CDC5L: variants seen among roughly 807,000 people sequenced by gnomAD.
CDC5L encodes cell division cycle 5-like protein.
In CDC5L, 18 loss-of-function variants were observed where a neutral mutation model predicts 104.1. The observed-to-expected ratio is 0.17, with a 90% CI of 0.12 to 0.26. CDC5L has a LOEUF of 0.26. Among genes scored for constraint, CDC5L ranks in the 10% least tolerant of loss-of-function variants. CDC5L has a pLI of 1.00. For missense variants in CDC5L, 673 were observed against 956.9 expected (o/e 0.70, Z 3.91); for synonymous variants, 331 against 322.7 (o/e 1.03, Z -0.28).
chr6:44,433,624 C>G (rs576958090), intron 14 of CDC5L, among the ~76,000 whole-genome samples: 3 of 152,212 alleles, frequency 2.0e-5, no homozygotes, highest in Admixed American at 2.0e-4. Flanking sequence ...AGAAGTAATA[C>G]TACTTCTCCC....
chr6:44,422,626 T>C, intron 9 of CDC5L, 21 bp from the exon 10 acceptor site: 6 of 1,501,928 alleles, frequency 4.0e-6, no homozygotes, highest in Non-Finnish European at 5.4e-6. Context: ...CTTCTGTTAA[T>C]TGGGATTCCT....
chr6:44,403,535 T>C (rs1791228973), intron 5 of CDC5L, among the ~76,000 whole-genome samples: 1 of 152,180 alleles, frequency 6.6e-6, no homozygotes, highest in African/African-American at 2.4e-5. Flanking sequence ...ATTTGCCATT[T>C]ATTTAATTTA....
intron 2 of CDC5L, among the ~76,000 whole-genome samples, chr6:44,390,915 T>C (rs1287062144): frequency 6.9e-6 from 1 of 144,272 alleles, no homozygotes; most frequent in African/African-American, 2.6e-5. Context: ...TAATGTTATA[T>C]ATTATATATT....
chr6:44,418,147 C>A (rs1269340627), intron 8 of CDC5L, among the ~76,000 whole-genome samples: 1 of 151,946 alleles, frequency 6.6e-6, no homozygotes, highest in Non-Finnish European at 1.5e-5. Flanking sequence ...CCTCCCCTCT[C>A]CCCCCACCCT....
In CDC5L at chr6:44,448,994, T is replaced by G. The variant is rs1793551760; in HGVS notation, c.*2283T>G. On this transcript the variant is annotated 3_prime_UTR_variant, in exon 16 of 16. Coordinates refer to ENST00000371477, the MANE Select transcript of CDC5L (RefSeq NM_001253.4). ...GTTTTGATGAGGTATATTAATAGAT[T>G]TTCCCACATTAAATCATCTTTGCAC... The G allele has an allele frequency of 6.6e-6, 1 of 152,198 alleles. No homozygotes were observed. The highest frequency in any genetic ancestry group is 6.5e-5 in the Admixed American group (1 of 15,276). 9.4% of individuals were successfully genotyped at this position (152,198 alleles called of 1,614,324 possible).
intron 2 of CDC5L, among the ~76,000 whole-genome samples, chr6:44,391,564 T>C (rs1790624347): frequency 6.6e-6 from 1 of 152,110 alleles, no homozygotes; most frequent in African/African-American, 2.4e-5. Context: ...ACCTCTTAAA[T>C]CATAGGGTAG....
chr6:44,397,627 CA>C (rs1790929933), intron 5 of CDC5L, among the ~76,000 whole-genome samples: 2 of 152,254 alleles, frequency 1.3e-5, no homozygotes, highest in Admixed American at 1.3e-4. Flanking sequence ...GTAGGACACA[CA>C]AGATTATGTG....
intron 11 of CDC5L, 72 bp downstream of exon 11, chr6:44,424,655 C>A: frequency 1.4e-6 from 2 of 1,430,628 alleles, no homozygotes; most frequent in Non-Finnish European, 2.0e-6. Context: ...GAAGAATAGC[C>A]ATTAAATGTC....
At chr6:44,418,634 T>C (rs1792010953) in intron 8 of CDC5L, among the ~76,000 whole-genome samples, 1 of 152,084 alleles carries the variant, frequency 6.6e-6, no homozygotes, top group South Asian at 2.1e-4. Context: ...GTGTTCCTAT[T>C]TCTCCACATC....
chr6:44,446,808 A>C lies in CDC5L; in HGVS notation c.*97A>C. 1 of 621,378 alleles carries C rather than the reference A, an allele frequency of 1.6e-6. No individual in the cohort carries two copies. 38.5% of individuals were successfully genotyped at this position (621,378 alleles called of 1,614,324 possible). ...TTTATCTTCATTGACAAATTTACCC[A>C]CCATCTGTGGTTTTTCAGTTGTTTA... On this transcript the variant is annotated 3_prime_UTR_variant, in exon 16 of 16. Transcript: ENST00000371477.
rs1791697282 is a variant in CDC5L, at chr6:44,412,603, T to TC, written c.1092+3971_1092+3972insC. 1.9e-4 allele frequency among the ~76,000 whole-genome samples: 3 copies of TC among 15,702 alleles called. No homozygotes were observed. The South Asian group carries it at 3.1e-3, about 16-fold the overall frequency. 10.3% of individuals were successfully genotyped at this position (15,702 alleles called of 152,430 possible). On this transcript the variant is annotated intron_variant, in intron 8 of 15. Coordinates refer to ENST00000371477, the MANE Select transcript of CDC5L (RefSeq NM_001253.4). The stretch of plus-strand genomic sequence containing the variant: ...TCACACTTGAAATTAAAAAAAATAG[T>TC]TTTTTTTTTAATTTTGGGAAAAAAT...
At chr6:44,430,570 T>A (rs1263358751) in intron 14 of CDC5L, among the ~76,000 whole-genome samples, 1 of 150,646 alleles carries the variant, frequency 6.6e-6, no homozygotes, top group Non-Finnish European at 1.5e-5. Context: ...GGCTGCCTTG[T>A]GCATTCTTTT....
rs1232293227 is a variant in CDC5L at position 44,448,205 on chromosome 6, CTT to C, written c.*1497_*1498del. 6.6e-6 allele frequency: 1 copy of C among 152,170 alleles called. No homozygotes were observed. Among genetic ancestry groups the C allele is most frequent in the African/African-American group, 2.4e-5 (1 of 41,442 alleles). The allele number at this position is 152,170 out of a possible 1,614,324, so 9.4% of individuals were successfully genotyped here. A position where few individuals can be genotyped will look rare whatever the true frequency, so the allele number is the denominator to read the frequency against. ...GGAGTGAATAGCAAACATAAAGCCT[CTT>C]TTGTATGTTTGAGGAACAAAAAGGA... is the stretch of plus-strand genomic sequence containing the variant. On this transcript the variant is annotated 3_prime_UTR_variant, in exon 16 of 16. Transcript: ENST00000371477.
intron 13 of CDC5L, among the ~76,000 whole-genome samples, chr6:44,427,004 G>T (rs547410077): frequency 6.6e-6 from 1 of 152,098 alleles, no homozygotes; most frequent in African/African-American, 2.4e-5. Flanking sequence ...TACAGTTGCC[G>T]TTTTCTGTAT....
chr6:44,387,758 C>A lies in CDC5L; in HGVS notation c.-66C>A. 7.1e-7 allele frequency: 1 copy of A among 1,403,860 alleles called. No individual in the cohort carries two copies. The highest frequency in any genetic ancestry group is 1.7e-4 in the Middle Eastern group (1 of 5,740). The allele number at this position is 1,403,860 out of a possible 1,614,324, so 87.0% of individuals were successfully genotyped here. On this transcript the variant is annotated 5_prime_UTR_variant, in exon 1 of 16. Transcript: ENST00000371477. ...GAAGTGGCGGCTTTGAGTCCGGTGG[C>A]CCAATCGCTGTTACTACTTCTCTGA...
intron 2 of CDC5L, among the ~76,000 whole-genome samples, chr6:44,390,593 A>G (rs758850320): frequency 7.2e-5 from 11 of 152,104 alleles, no homozygotes; most frequent in Non-Finnish European, 1.6e-4. Flanking sequence ...TTTTCTCCCA[A>G]TTAGGGATAA....
intron 1 of CDC5L, among the ~76,000 whole-genome samples, chr6:44,389,161 C>G (rs188821525): frequency 2.0e-4 from 30 of 152,160 alleles, no homozygotes; most frequent in African/African-American, 7.0e-4. Context: ...TAGGTATCTG[C>G]TGTATCTATT....
At chr6:44,430,694 TC>T (rs1398865374) in intron 14 of CDC5L, among the ~76,000 whole-genome samples, 1 of 151,630 alleles carries the variant, frequency 6.6e-6, no homozygotes. Context: ...TGCCTCAGCC[TC>T]CCTAGTAGCT....
In CDC5L at chr6:44,422,825, CT is replaced by C. The variant is rs762199591; in HGVS notation, c.1404+20del. ...GAAGCAGATGGTAAATGTCAATTCCCTTTTAATACTCTTAAATTTTTTTTTA... is the reference window on the plus strand; with the variant it reads ...GAAGCAGATGGTAAATGTCAATTCCCTTTAATACTCTTAAATTTTTTTTTA... On this transcript the variant is annotated intron_variant, in intron 10 of 15. Coordinates refer to ENST00000371477, the MANE Select transcript of CDC5L (RefSeq NM_001253.4). 4.5e-6 allele frequency: 7 copies of C among 1,563,548 alleles called. No homozygotes were observed. The highest frequency in any genetic ancestry group is 6.1e-6 in the Non-Finnish European group (7 of 1,155,322).
Sources: allele counts gnomAD v4.1 joint callset (sites outside exome capture counted in the v4.1 genomes callset), GRCh38; gene constraint gnomAD v4.1.1; transcripts MANE v1.5; gene names NCBI Gene and HGNC (gene_info 2026-07-23, HGNC 2026-07-21).